The following GLE1 variants were observed in gnomAD, a reference collection of about 807,000 sequenced individuals.
GLE1 encodes GLE1 RNA export mediator, also known as mRNA export factor GLE1.
GLE1 carries 78 observed loss-of-function variants against 97.3 expected under a neutral mutation model. The observed-to-expected ratio is 0.80, with a 90% CI of 0.67 to 0.97. The LOEUF (loss-of-function observed/expected upper bound fraction) is 0.97, where lower values mean the gene tolerates loss of function less well. Among genes scored for constraint, GLE1 ranks in the 50% least tolerant of loss-of-function variants. The probability of loss-of-function intolerance (pLI) is 0.00; values close to 1 mark genes in which losing one functional copy is unlikely to be tolerated. For missense variants in GLE1, 753 were observed against 857.5 expected (o/e 0.88, Z 1.52); for synonymous variants, 302 against 313.4 (o/e 0.96, Z 0.39).
rs968806992 is a variant in GLE1 at position 128,504,769 on chromosome 9, G to T, written c.-37G>T. 1 of 1,370,094 alleles carries T rather than the reference G, an allele frequency of 7.3e-7. No homozygotes were observed. The highest frequency in any genetic ancestry group is 1.4e-5 in the African/African-American group (1 of 70,318). The allele number at this position is 1,370,094 out of a possible 1,614,324, so 84.9% of individuals were successfully genotyped here. A position where few individuals can be genotyped will look rare whatever the true frequency, so the allele number is the denominator to read the frequency against. On this transcript the variant is annotated 5_prime_UTR_variant, in exon 1 of 16. Transcript: ENST00000309971. ...GCTGATTCGAGGGCTTGTTTGGTCA[G>T]AAGGGGGGCGTCAGAGAAGCTGCCC...
chr9:128,534,942 C>T (rs1008565055), intron 11 of GLE1, among the ~76,000 whole-genome samples: 2 of 151,848 alleles, frequency 1.3e-5, no homozygotes, highest in East Asian at 1.9e-4. Flanking sequence ...TGGTCTCGAT[C>T]TCTTGACCTT....
chr9:128,529,434 C>T (rs912319006), intron 9 of GLE1, among the ~76,000 whole-genome samples: 4 of 152,180 alleles, frequency 2.6e-5, no homozygotes, highest in African/African-American at 9.7e-5. Context: ...CAGACTGCCT[C>T]ATCGTTTATT....
At chr9:128,522,614 C>A in intron 3 of GLE1, 54 bp from the exon 4 acceptor site, 1 of 1,498,954 alleles carries the variant, frequency 6.7e-7, no homozygotes, top group Non-Finnish European at 8.8e-7. Context: ...TCCAGCCTGG[C>A]GACAGAGAGA....
Position 128,525,249 on chromosome 9 carries a change from C to T in GLE1, c.955C>T (p.Arg319Trp), listed in dbSNP as rs775936554. 22 of 1,613,960 alleles carry T rather than the reference C, an allele frequency of 1.4e-5. No homozygotes were observed. Among genetic ancestry groups the T allele is most frequent in the South Asian group, 5.5e-5 (5 of 91,090 alleles). ...GGCTGAGCGAGCTCTGCGGGAAATG[C>T]GGGACCTCCTGATGAACTTGGGGCA... The part of the protein sequence containing the change: ...AEAERALREM[R>W]DLLMNLGQEI... The change falls in exon 7 of 16, where the codon CGG becomes TGG. Residue 319 changes from arginine (R) to tryptophan (W), a missense_variant. Physicochemically the swap from Arg to Trp is moderately radical, Grantham distance 101. Coordinates refer to ENST00000309971, the MANE Select transcript of GLE1 (RefSeq NM_001003722.2).
intron 2 of GLE1, among the ~76,000 whole-genome samples, chr9:128,513,754 C>T (rs1432747686): frequency 6.0e-5 from 9 of 150,692 alleles, no homozygotes; most frequent in East Asian, 1.9e-4. Context: ...CGGTGGCTCA[C>T]GCCTGTAATC....
At chr9:128,508,709 T>C (rs1226277297) in intron 1 of GLE1, among the ~76,000 whole-genome samples, 167 bp from the exon 2 acceptor site, 1 of 152,224 alleles carries the variant, frequency 6.6e-6, no homozygotes, top group East Asian at 1.9e-4. Context: ...GTCTAGGTCA[T>C]TATCAAGAAA....
At chr9:128,519,147 G>A (rs1198138327) in intron 3 of GLE1, among the ~76,000 whole-genome samples, 2 of 152,156 alleles carry the variant, frequency 1.3e-5, no homozygotes, top group African/African-American at 4.8e-5. Context: ...TGAAGAGGAT[G>A]TATGTCGCCT....
intron 12 of GLE1, among the ~76,000 whole-genome samples, chr9:128,537,680 C>T (rs1244723367): frequency 1.3e-5 from 2 of 151,952 alleles, no homozygotes; most frequent in Non-Finnish European, 2.9e-5. Context: ...GTGGCATGTG[C>T]ATGCCTGTAG....
Position 128,516,534 on chromosome 9 carries a change from C to T in GLE1, c.432+895C>T, listed in dbSNP as rs538773649. On this transcript the variant is annotated intron_variant, in intron 3 of 15. Coordinates refer to ENST00000309971, the MANE Select transcript of GLE1 (RefSeq NM_001003722.2). ...CAGGGTTTTGCCGTGTTAGCCAGGA[C>T]GGTCTTGATCTTCTGACCTCGTGAT... 5.7e-3 allele frequency among the ~76,000 whole-genome samples: 860 copies of T among 150,982 alleles called. 9 individuals are homozygous for T. Among genetic ancestry groups the T allele is most frequent in the African/African-American group, 0.02 (815 of 41,108 alleles).
At chr9:128,529,308 C>T (rs1847408725) in intron 9 of GLE1, among the ~76,000 whole-genome samples, 1 of 152,120 alleles carries the variant, frequency 6.6e-6, no homozygotes, top group South Asian at 2.1e-4. Flanking sequence ...AGAGCCCCTC[C>T]ACCACTGCAC....
At chr9:128,514,017 CAA>C (rs35379717) in intron 2 of GLE1, among the ~76,000 whole-genome samples, 46 of 95,756 alleles carry the variant, frequency 4.8e-4, no homozygotes, top group Admixed American at 7.9e-4. Flanking sequence ...GACTCCATCT[CAA>C]AAAAAAAAAA....
At chr9:128,507,125 C>T (rs1254294486) in intron 1 of GLE1, among the ~76,000 whole-genome samples, 1 of 152,100 alleles carries the variant, frequency 6.6e-6, no homozygotes, top group South Asian at 2.1e-4. Context: ...TATTTACAAA[C>T]CAAGATCTGG....
Position 128,506,781 on chromosome 9 carries a change from A to G in GLE1, c.99+1877A>G, listed in dbSNP as rs186977709. 1.0e-3 allele frequency among the ~76,000 whole-genome samples: 159 copies of G among 152,332 alleles called. 1 individual carries two copies. Among genetic ancestry groups the G allele is most frequent in the Middle Eastern group, 3.4e-3 (1 of 294 alleles). On this transcript the variant is annotated intron_variant, in intron 1 of 15. Transcript: ENST00000309971. ...GTGTGTACATATATATTATAAAACC[A>G]TGACTTCATACTGATAAATGCCACT...
At position 128,525,423 on chromosome 9, in the gene GLE1, G is replaced by A. The variant is rs767267217; in HGVS notation, c.1129G>A (p.Asp377Asn). Residue 377 changes from aspartate to asparagine, a missense_variant and splice_region_variant, in exon 7 of 16, where the codon GAC becomes AAC. Physicochemically the swap from Asp to Asn is conservative, Grantham distance 23. Transcript: ENST00000309971. ...SQGPGGKQNE[D>N]LQVKVQDITM... The stretch of plus-strand genomic sequence containing the variant: ...GGGCCCAGGAGGGAAACAGAATGAA[G>A]GTGGGTTTCAGTATGGATGTGGTCC... 16 of 1,574,984 alleles carry A rather than the reference G, an allele frequency of 1.0e-5. No homozygotes were observed. Among genetic ancestry groups the A allele is most frequent in the Non-Finnish European group, 1.4e-5 (16 of 1,152,558 alleles).
chr9:128,533,866 C>T lies in GLE1; in HGVS notation c.1561C>T (p.Leu521Phe), dbSNP rs753673494. 1 of 1,613,098 alleles carries T rather than the reference C, an allele frequency of 6.2e-7. No individual in the cohort carries two copies. Among genetic ancestry groups the T allele is most frequent in the South Asian group, 1.1e-5 (1 of 91,058 alleles). Reference protein sequence around the residue: ...ELHPRVGDLILAHLHKKCPYS... With the variant: ...ELHPRVGDLIFAHLHKKCPYS... Reference sequence around the variant, plus strand: ...CCACCCCAGAGTGGGGGACCTCATTCTTGCTCATCTACATAAGAAGTGTCC... The same window carrying T: ...CCACCCCAGAGTGGGGGACCTCATTTTTGCTCATCTACATAAGAAGTGTCC... Residue 521 changes from leucine (L) to phenylalanine (F), a missense_variant, in exon 11 of 16, where the codon CTT (leucine) becomes TTT (phenylalanine). By Grantham distance (22) the Leu-to-Phe change is conservative. Coordinates refer to ENST00000309971, the MANE Select transcript of GLE1 (RefSeq NM_001003722.2).
rs972087462 is a variant in GLE1 at position 128,516,711 on chromosome 9, G to A, written c.432+1072G>A. On this transcript the variant is annotated intron_variant, in intron 3 of 15. Transcript: ENST00000309971. ...GCAATCTTGGCTCACTGCAACCTCC[G>A]CCTCCTGGGTTCCAGCAATTCTCCT... Among the ~76,000 whole-genome samples, 7 of 151,710 alleles carry A rather than the reference G, an allele frequency of 4.6e-5. No homozygotes were observed. In the South Asian group the frequency reaches 1.2e-3, roughly 27 times the overall value.
At position 128,541,611 on chromosome 9, in the gene GLE1, A is replaced by C. The variant is rs1847885124; in HGVS notation, c.*441A>C. The C allele has an allele frequency of 5.4e-6, 1 of 184,180 alleles. No homozygotes were observed. Among genetic ancestry groups the C allele is most frequent in the African/African-American group, 2.4e-5 (1 of 42,100 alleles). The allele number at this position is 184,180 out of a possible 1,614,324, so 11.4% of individuals were successfully genotyped here. On this transcript the variant is annotated 3_prime_UTR_variant, in exon 16 of 16. Coordinates refer to ENST00000309971, the MANE Select transcript of GLE1 (RefSeq NM_001003722.2). ...CTAAGGCTCATAAGGTTCCCTTTTA[A>C]GTATTATTTAATAGTTGAGGCCAGA...
At chr9:128,510,931 C>T (rs112284048) in intron 2 of GLE1, among the ~76,000 whole-genome samples, 1 of 150,316 alleles carries the variant, frequency 6.7e-6, no homozygotes. Context: ...TTTGTGGCCA[C>T]GTGTGGTGGC....
chr9:128,510,120 T>C (rs1359524410), intron 2 of GLE1, among the ~76,000 whole-genome samples: 1 of 151,920 alleles, frequency 6.6e-6, no homozygotes, highest in East Asian at 1.9e-4. Flanking sequence ...TGCAGTGGCA[T>C]GAACATGGCT....
Sources: allele counts gnomAD v4.1 joint callset (sites outside exome capture counted in the v4.1 genomes callset), GRCh38; gene constraint gnomAD v4.1.1; transcripts MANE v1.5; gene names NCBI Gene and HGNC (gene_info 2026-07-23, HGNC 2026-07-21).